COL4A4: variants seen among roughly 807,000 people sequenced by gnomAD.
COL4A4 encodes the protein collagen type IV alpha 4 chain, also known as collagen alpha-4(IV) chain.
In COL4A4, 105 loss-of-function variants were observed where a neutral mutation model predicts 192.9. That is an observed-to-expected ratio of 0.54 (90% CI 0.46 to 0.64). The LOEUF (loss-of-function observed/expected upper bound fraction) is 0.64. COL4A4 is among the 30% of genes least tolerant of loss of function. The pLI is 0.00. For synonymous variants in COL4A4, 762 were observed against 769.9 expected, an observed-to-expected ratio of 0.99 and a Z score of 0.17; for missense variants, 1,967 against 2,169.3, an observed-to-expected ratio of 0.91 and a Z score of 1.85.
At chr2:227,009,135 G>T (rs1450401451) in intron 46 of COL4A4, among the ~76,000 whole-genome samples, 1 of 152,180 alleles carries the variant, frequency 6.6e-6, no homozygotes, top group African/African-American at 2.4e-5. Flanking sequence ...CCTTGTGATG[G>T]GAAAGGCCAT....
At chr2:226,981,538 ACATC>A in the COL4A4 span, among the ~76,000 whole-genome samples, 1 of 149,070 alleles carries the variant, frequency 6.7e-6, no homozygotes, top group Non-Finnish European at 1.5e-5. Flanking sequence ...GCAGGCACAC[ACATC>A]CATGCACTCA....
chr2:227,007,736 C>T (rs1031468671), intron 47 of COL4A4, 148 bp from the exon 48 acceptor site: 18 of 1,165,938 alleles, frequency 1.5e-5, no homozygotes, highest in African/African-American at 3.1e-5. Flanking sequence ...GAAAAGGAGT[C>T]GTACTCAGCA....
chr2:227,103,295 C>A (rs2060629630), intron 13 of COL4A4, 98 bp from the exon 14 acceptor site: 4 of 959,578 alleles, frequency 4.2e-6, no homozygotes, highest in South Asian at 1.4e-5. Flanking sequence ...ATCTGTTTCA[C>A]CTTAAAAAAA....
chr2:227,099,025 C>T (rs1170153209), intron 18 of COL4A4, among the ~76,000 whole-genome samples: 1 of 152,120 alleles, frequency 6.6e-6, no homozygotes, highest in African/African-American at 2.4e-5. Flanking sequence ...TAGGCTACTC[C>T]TTTTGGTGGC....
chr2:227,088,971 G>T (rs1294007508), intron 21 of COL4A4, among the ~76,000 whole-genome samples, 155 bp from the exon 22 acceptor site: 2 of 152,210 alleles, frequency 1.3e-5, no homozygotes, highest in Non-Finnish European at 2.9e-5. Context: ...GGGGCTGGGT[G>T]TGGCATGGGG....
chr2:227,102,737 T>A lies in COL4A4; in HGVS notation c.930+52A>T. The A allele has an allele frequency of 4.7e-6, 7 of 1,501,478 alleles. No individual in the cohort carries two copies. The East Asian group carries it at 1.4e-4, about 29-fold the overall frequency. 93.0% of individuals were successfully genotyped at this position (1,501,478 alleles called of 1,614,324 possible). ...CTACTGACCTGGTTTTATAAAAACA[T>A]GAAAGAGAAATATCTCCAAATTCAC... On this transcript the variant is annotated intron_variant, in intron 15 of 47. Coordinates refer to ENST00000396625, the MANE Select transcript of COL4A4 (RefSeq NM_000092.5).
chr2:227,023,319 T>G (rs1294661765), intron 43 of COL4A4, among the ~76,000 whole-genome samples: 4 of 151,304 alleles, frequency 2.6e-5, no homozygotes, highest in Admixed American at 2.6e-4. Context: ...GGCAAGTGCC[T>G]GTAGTTCCAG....
intron 26 of COL4A4, 51 bp downstream of exon 26, chr2:227,062,479 T>C: frequency 1.7e-6 from 2 of 1,200,244 alleles, no homozygotes; most frequent in Middle Eastern, 1.9e-4. Context: ...GCTGGTTTTT[T>C]TTTTTTTACT....
rs766243664 is a variant in COL4A4, at chr2:227,111,715, T to C, written c.559-2A>G. On this transcript the variant is annotated splice_acceptor_variant, in intron 8 of 47. Transcript: ENST00000396625. LOFTEE classifies it high-confidence loss of function. ...CAGTCCTGGGTCCCCTCTGTCTCCC[T>C]GCAAAAATAAGAATGCATTGCTTTA... The C allele has an allele frequency of 6.2e-7, 1 of 1,613,796 alleles. No individual in the cohort carries two copies. Among genetic ancestry groups the C allele is most frequent in the African/African-American group, 1.3e-5 (1 of 74,906 alleles).
the COL4A4 span, among the ~76,000 whole-genome samples, chr2:226,980,972 TTAATTC>T: frequency 1.3e-5 from 2 of 152,184 alleles, no homozygotes; most frequent in African/African-American, 4.8e-5. Context: ...ATTTCTGAGT[TTAATTC>T]TAGTTCAGTT....
At chr2:226,998,383 C>G (rs910322533), downstream of COL4A4, 1 of 152,148 alleles carries the variant, frequency 6.6e-6, no homozygotes, top group Non-Finnish European at 1.5e-5. Flanking sequence ...ACCACCTCCC[C>G]CTACCCTGGA....
chr2:227,149,033 G>C (rs1404952270), intron 1 of COL4A4, among the ~76,000 whole-genome samples: 1 of 151,868 alleles, frequency 6.6e-6, no homozygotes, highest in African/African-American at 2.4e-5. Context: ...ATTTTTAGTA[G>C]AGATGGGGTT....
intron 4 of COL4A4, among the ~76,000 whole-genome samples, chr2:227,131,086 C>T (rs529892618): frequency 9.0e-4 from 137 of 152,148 alleles, no homozygotes; most frequent in African/African-American, 3.3e-3. Context: ...CAATCTGCTT[C>T]TTCCCTTCTT....
chr2:227,107,094 C>G (rs2060891729), intron 12 of COL4A4, among the ~76,000 whole-genome samples: 2 of 152,174 alleles, frequency 1.3e-5, no homozygotes, highest in South Asian at 4.1e-4. Flanking sequence ...GAACATATTC[C>G]AGAGCTCCAT....
intron 4 of COL4A4, among the ~76,000 whole-genome samples, chr2:227,129,600 C>T (rs987048551): frequency 6.6e-5 from 10 of 151,918 alleles, no homozygotes; most frequent in East Asian, 1.9e-4. Flanking sequence ...GCAGAGATGG[C>T]GTTTTGCCAT....
intron 7 of COL4A4, among the ~76,000 whole-genome samples, chr2:227,117,566 A>G (rs763855906): frequency 2.0e-5 from 3 of 152,182 alleles, no homozygotes; most frequent in Non-Finnish European, 2.9e-5. Context: ...AGCAGAATGA[A>G]TGATTATGGT....
At chr2:227,020,568 G>A (rs1402605960) in intron 44 of COL4A4, among the ~76,000 whole-genome samples, 1 of 152,152 alleles carries the variant, frequency 6.6e-6, no homozygotes, top group African/African-American at 2.4e-5. Context: ...TTAACTTCTT[G>A]GTTTTGGGGA....
the COL4A4 span, among the ~76,000 whole-genome samples, chr2:226,987,652 C>T: frequency 6.6e-6 from 1 of 152,210 alleles, no homozygotes; most frequent in Non-Finnish European, 1.5e-5. Context: ...CCTCTGGGTA[C>T]AGATGAGGGG....
chr2:227,132,613 T>C (rs1258307163), intron 4 of COL4A4, among the ~76,000 whole-genome samples: 4 of 151,954 alleles, frequency 2.6e-5, no homozygotes, highest in African/African-American at 7.3e-5. Context: ...CCGGCTCTAC[T>C]AAAAATACAA....
Sources: allele counts gnomAD v4.1 joint callset (sites outside exome capture counted in the v4.1 genomes callset), GRCh38; gene constraint gnomAD v4.1.1; transcripts MANE v1.5; gene names NCBI Gene and HGNC (gene_info 2026-07-23, HGNC 2026-07-21).